Variants in JPH4 observed in about 807,000 individuals in gnomAD.
The protein encoded by JPH4 is junctophilin 4, also known as junctophilin-4.
Under a neutral mutation model 57.6 loss-of-function variants are expected in JPH4, and 18 were observed. The ratio of observed to expected loss-of-function variants is 0.31; its 90% CI spans 0.22 to 0.46. The LOEUF (loss-of-function observed/expected upper bound fraction) is 0.46. Ranked by LOEUF, JPH4 falls within the 20% of genes least tolerant of loss-of-function variation. The pLI, the probability that JPH4 is intolerant of heterozygous loss-of-function variation, is 1.00. For missense variants in JPH4, 727 were observed against 911.1 expected, an observed-to-expected ratio of 0.80 and a Z score of 2.60; for synonymous variants, 425 against 406.6, an observed-to-expected ratio of 1.05 and a Z score of -0.54.
In JPH4 at chr14:23,575,627, G is replaced by A; in HGVS notation, c.1151+58C>T. 4.5e-6 allele frequency: 7 copies of A among 1,549,434 alleles called. No individual in the cohort carries two copies. The highest frequency in any genetic ancestry group is 6.1e-6 in the Non-Finnish European group (7 of 1,150,834). On this transcript the variant is annotated intron_variant, in intron 3 of 5. Transcript: ENST00000356300. The surrounding 1 kb of genome is among the most constrained non-coding windows in gnomAD (Gnocchi z 6.9). Reference sequence around the variant, plus strand: ...CTCCCTTAGGCACACCCGCCTTCCTGGTCCCCAGCGCACCCCCTCCTCTTA... The same window carrying A: ...CTCCCTTAGGCACACCCGCCTTCCTAGTCCCCAGCGCACCCCCTCCTCTTA...
At chr14:23,572,280 C>T (rs1889171939) in intron 3 of JPH4, among the ~76,000 whole-genome samples, 1 of 152,016 alleles carries the variant, frequency 6.6e-6, no homozygotes, top group African/African-American at 2.4e-5. Context: ...CAGTCGAGAC[C>T]TCACTCTTTT....
Position 23,568,063 on chromosome 14 carries a change from T to C in JPH4, c.*1571A>G. On this transcript the variant is annotated 3_prime_UTR_variant, in exon 6 of 6. Coordinates refer to ENST00000356300, the MANE Select transcript of JPH4 (RefSeq NM_001146028.2). ...TTTTTTGAACTTTTTTATTAATATA[T>C]TTTTTTTGTTAAATTTCTTTGTATT... The C allele has an allele frequency of 1.0e-6, 1 of 981,998 alleles. No homozygotes were observed. The highest frequency in any genetic ancestry group is 1.2e-6 in the Non-Finnish European group (1 of 826,566). 60.8% of individuals were successfully genotyped at this position (981,998 alleles called of 1,614,324 possible). A position where few individuals can be genotyped will look rare whatever the true frequency, so the allele number is the denominator to read the frequency against.
At position 23,575,332 on chromosome 14, in the gene JPH4, A is replaced by T. The variant is rs935620845; in HGVS notation, c.1151+353T>A. 1 of 358,326 alleles carries T rather than the reference A, an allele frequency of 2.8e-6. No individual in the cohort carries two copies. The highest frequency in any genetic ancestry group is 2.1e-5 in the African/African-American group (1 of 48,270). 22.2% of individuals were successfully genotyped at this position (358,326 alleles called of 1,614,324 possible). On this transcript the variant is annotated intron_variant, in intron 3 of 5. Coordinates refer to ENST00000356300, the MANE Select transcript of JPH4 (RefSeq NM_001146028.2). This position sits in a 1 kb window ranked among gnomAD's most constrained non-coding sequence, Gnocchi z 6.9. ...CTGCAAGAGGAGGAAGACTAGGGAC[A>T]TGTTTTGAGTTCCAAGAGATTTCTG...
chr14:23,571,168 T>G lies in JPH4; in HGVS notation c.1563A>C (p.Gln521His). The G allele has an allele frequency of 6.2e-7, 1 of 1,614,096 alleles. No individual in the cohort carries two copies. The highest frequency in any genetic ancestry group is 2.2e-5 in the East Asian group (1 of 44,878). The change falls in exon 5 of 6, where the codon CAA (glutamine) becomes CAC (histidine). Residue 521 changes from glutamine to histidine, a missense_variant. Around this residue, in one of 7 missense-constraint regions of JPH4, gnomAD observed 293 missense variants for 279.8 expected, o/e 1.05. Coordinates refer to ENST00000356300, the MANE Select transcript of JPH4 (RefSeq NM_001146028.2). The surrounding 1 kb of genome is among the most constrained non-coding windows in gnomAD (Gnocchi z 4.6). ...GYEAEDEAGM[Q>H]GPGPRDGSPL... ...GGGAACCGTCTCTGGGCCCTGGCCC[T>G]TGCATCCCAGCCTCATCCTCAGCCT...
chr14:23,578,211 GCA>G lies in JPH4; in HGVS notation c.-205_-204del. ...GGCTGGGGCTCAGGCTGCCTCCCCG[GCA>G]CAGCATCCATGGCAGGATACCTCCA... On this transcript the variant is annotated 5_prime_UTR_variant, in exon 1 of 6. The change creates a premature stop within an existing upstream ORF in the 5' untranslated region. Transcript: ENST00000356300. 6.6e-6 allele frequency: 1 copy of G among 152,392 alleles called. No individual in the cohort carries two copies. The highest frequency in any genetic ancestry group is 1.5e-5 in the Non-Finnish European group (1 of 68,320). The allele number at this position is 152,392 out of a possible 1,614,324, so 9.4% of individuals were successfully genotyped here. A position where few individuals can be genotyped will look rare whatever the true frequency, so the allele number is the denominator to read the frequency against.
At chr14:23,572,149 C>A (rs1411648390) in intron 3 of JPH4, among the ~76,000 whole-genome samples, 1 of 152,102 alleles carries the variant, frequency 6.6e-6, no homozygotes, top group African/African-American at 2.4e-5. Context: ...ACCATCACAC[C>A]CTCCTGCTCC....
Position 23,577,208 on chromosome 14 carries a change from C to A in JPH4, c.246G>T (p.Thr82=). 7 of 1,537,096 alleles carry A rather than the reference C, an allele frequency of 4.6e-6. No individual in the cohort carries two copies. Among genetic ancestry groups the A allele is most frequent in the Non-Finnish European group, 6.1e-6 (7 of 1,146,172 alleles). Residue 82 remains threonine, a synonymous_variant, in exon 2 of 6, where the codon ACG becomes ACT. Coordinates refer to ENST00000356300, the MANE Select transcript of JPH4 (RefSeq NM_001146028.2). This position sits in a 1 kb window ranked among gnomAD's most constrained non-coding sequence, Gnocchi z 8.4. ...GLGVERKSRW[T]YRGEWLGGLK... is the part of the protein sequence containing the mutation. Reference sequence around the variant, plus strand: ...GCCCGCCCAGCCACTCGCCGCGGTACGTCCAGCGGCTCTTGCGCTCCACGC... The same window carrying A: ...GCCCGCCCAGCCACTCGCCGCGGTAAGTCCAGCGGCTCTTGCGCTCCACGC...
Position 23,576,710 on chromosome 14 carries a change from G to A in JPH4, c.380-254C>T, listed in dbSNP as rs1359059369. Among the ~76,000 whole-genome samples, 2 of 152,136 alleles carry A rather than the reference G, an allele frequency of 1.3e-5. No individual in the cohort carries two copies. ...GGCAGTGCGGGTAAACAGGGGAAAC[G>A]GGGAGGGCCCGGCAGGCATGCGAAG... On this transcript the variant is annotated intron_variant, in intron 2 of 5. Coordinates refer to ENST00000356300, the MANE Select transcript of JPH4 (RefSeq NM_001146028.2). This position sits in a 1 kb window ranked among gnomAD's most constrained non-coding sequence, Gnocchi z 8.0.
At position 23,577,202 on chromosome 14, in the gene JPH4, G is replaced by T; in HGVS notation, c.252C>A (p.Arg84=). The T allele has an allele frequency of 6.5e-7, 1 of 1,537,132 alleles. No homozygotes were observed. Among genetic ancestry groups the T allele is most frequent in the East Asian group, 2.4e-5 (1 of 40,822 alleles). ...GVERKSRWTY[R]GEWLGGLKGR... ...CCTTCAGCCCGCCCAGCCACTCGCC[G>T]CGGTACGTCCAGCGGCTCTTGCGCT... The change falls in exon 2 of 6, where the codon CGC becomes CGA. Residue 84 remains arginine, a synonymous_variant. Transcript: ENST00000356300. This position sits in a 1 kb window ranked among gnomAD's most constrained non-coding sequence, Gnocchi z 8.4.
rs1889020213 is a variant in JPH4, at chr14:23,569,492, AAAC to A, written c.*139_*141del. On this transcript the variant is annotated 3_prime_UTR_variant, in exon 6 of 6. Transcript: ENST00000356300. This position sits in a 1 kb window ranked among gnomAD's most constrained non-coding sequence, Gnocchi z 4.8. ...CAGGGAAAGAAAAAGCGAGAGAAAA[AAAC>A]AAAGGAGCACAGAAAAGAAAGGAAG... is the stretch of plus-strand genomic sequence containing the variant. 2 of 682,682 alleles carry A rather than the reference AAAC, an allele frequency of 2.9e-6. No individual in the cohort carries two copies. Among genetic ancestry groups the A allele is most frequent in the Admixed American group, 2.6e-5 (1 of 38,620 alleles). The allele number at this position is 682,682 out of a possible 1,614,324, so 42.3% of individuals were successfully genotyped here.
chr14:23,575,870 G>A lies in JPH4; in HGVS notation c.966C>T (p.Arg322=), dbSNP rs768842366. ...NRRHGYGRTT[R]PDGSREEGKY... ...TGCCCTCCTCGCGGGAGCCGTCGGGGCGGGTGGTGCGCCCGTAGCCGTGCC... is the reference window on the plus strand; with the variant it reads ...TGCCCTCCTCGCGGGAGCCGTCGGGACGGGTGGTGCGCCCGTAGCCGTGCC... Residue 322 remains arginine, a synonymous_variant, in exon 3 of 6, where the codon CGC becomes CGT. Transcript: ENST00000356300. The surrounding 1 kb of genome is among the most constrained non-coding windows in gnomAD (Gnocchi z 6.9). The A allele has an allele frequency of 1.9e-6, 3 of 1,576,456 alleles. No individual in the cohort carries two copies. The highest frequency in any genetic ancestry group is 2.6e-6 in the Non-Finnish European group (3 of 1,165,016).
chr14:23,575,880 C>A lies in JPH4; in HGVS notation c.956G>T (p.Arg319Leu), dbSNP rs577418879. The change falls in exon 3 of 6, where the codon CGC becomes CTC. Residue 319 changes from arginine (R) to leucine (L), a missense_variant. Transcript: ENST00000356300. The surrounding 1 kb of genome is among the most constrained non-coding windows in gnomAD (Gnocchi z 6.9). ...GCGGGAGCCGTCGGGGCGGGTGGTG[C>A]GCCCGTAGCCGTGCCGCCGGTTGCC... ...WLGNRRHGYGRTTRPDGSREE... is the reference protein window; with the variant it reads ...WLGNRRHGYGLTTRPDGSREE... 1.3e-6 allele frequency: 2 copies of A among 1,569,722 alleles called. No individual in the cohort carries two copies. Among genetic ancestry groups the A allele is most frequent in the African/African-American group, 1.3e-5 (1 of 74,206 alleles).
chr14:23,572,817 C>T, intron 3 of JPH4: 1 of 699,412 alleles, frequency 1.4e-6, no homozygotes, highest in Non-Finnish European at 2.6e-6. Flanking sequence ...GTCTCCCTTC[C>T]ACAACCCCCT....
At position 23,578,550 on chromosome 14, in the gene JPH4, A is replaced by G. The variant is rs1055883307; in HGVS notation, c.-542T>C. The G allele has an allele frequency of 1.3e-5, 2 of 151,486 alleles. No individual in the cohort carries two copies. Among genetic ancestry groups the G allele is most frequent in the African/African-American group, 4.9e-5 (2 of 41,174 alleles). 9.4% of individuals were successfully genotyped at this position (151,486 alleles called of 1,614,324 possible). A position where few individuals can be genotyped will look rare whatever the true frequency, so the allele number is the denominator to read the frequency against. ...AGAGGAAAAATAAATCAAAATTCCG[A>G]TTCCATCCCAGCACAAATCAATGTT... On this transcript the variant is annotated 5_prime_UTR_variant, in exon 1 of 6. Coordinates refer to ENST00000356300, the MANE Select transcript of JPH4 (RefSeq NM_001146028.2).
intron 3 of JPH4, among the ~76,000 whole-genome samples, chr14:23,572,222 C>T (rs1205998987): frequency 6.6e-6 from 1 of 152,152 alleles, no homozygotes; most frequent in Non-Finnish European, 1.5e-5. Flanking sequence ...GGGCCAGGCC[C>T]TCCTGGAACT....
Position 23,577,628 on chromosome 14 carries a change from C to T in JPH4, c.-171-4G>A, listed in dbSNP as rs1889307969. ...GCCGGACCCTCATCCTGAGTGGCTG[C>T]GGAGAAAGAGGGAGGGGGGCAAGTG... On this transcript the variant is annotated splice_region_variant and splice_polypyrimidine_tract_variant and intron_variant, in intron 1 of 5. Transcript: ENST00000356300. The surrounding 1 kb of genome is among the most constrained non-coding windows in gnomAD (Gnocchi z 8.4). 1.8e-5 allele frequency: 8 copies of T among 451,260 alleles called. No individual in the cohort carries two copies. The highest frequency in any genetic ancestry group is 2.7e-5 in the Non-Finnish European group (7 of 263,970). 28.0% of individuals were successfully genotyped at this position (451,260 alleles called of 1,614,324 possible).
In JPH4 at chr14:23,575,702, C is replaced by T. The variant is rs769123689; in HGVS notation, c.1134G>A (p.Gln378=). ...ACGCCCACCTGGCAGCGGCGATCTC[C>T]TGGCGCTGACGGGCAGCACTCACGG... The part of the protein sequence containing the change: ...RRAVSAARQR[Q]EIAAARAADA... Residue 378 remains glutamine, a synonymous_variant, in exon 3 of 6, where the codon CAG becomes CAA. Coordinates refer to ENST00000356300, the MANE Select transcript of JPH4 (RefSeq NM_001146028.2). This position sits in a 1 kb window ranked among gnomAD's most constrained non-coding sequence, Gnocchi z 6.9. 6.9e-6 allele frequency: 11 copies of T among 1,605,284 alleles called. No individual in the cohort carries two copies. The highest frequency in any genetic ancestry group is 7.6e-6 in the Non-Finnish European group (9 of 1,177,032).
chr14:23,571,809 C>T lies in JPH4; in HGVS notation c.1263G>A (p.Glu421=). 1 of 1,612,466 alleles carries T rather than the reference C, an allele frequency of 6.2e-7. No individual in the cohort carries two copies. Among genetic ancestry groups the T allele is most frequent in the African/African-American group, 1.3e-5 (1 of 75,038 alleles). The change falls in exon 4 of 6, where the codon GAG becomes GAA. Residue 421 remains glutamate, a synonymous_variant. Coordinates refer to ENST00000356300, the MANE Select transcript of JPH4 (RefSeq NM_001146028.2). This position sits in a 1 kb window ranked among gnomAD's most constrained non-coding sequence, Gnocchi z 4.6. ...CAGCTGTCCATGCCTCACCTGGGGCCTCTAGCATGGGCTGCAGGTCCTGGG... is the reference window on the plus strand; with the variant it reads ...CAGCTGTCCATGCCTCACCTGGGGCTTCTAGCATGGGCTGCAGGTCCTGGG... ...LIAQDLQPML[E]APGRRPRQDS...
At position 23,575,642 on chromosome 14, in the gene JPH4, C is replaced by T; in HGVS notation, c.1151+43G>A. On this transcript the variant is annotated intron_variant, in intron 3 of 5. Coordinates refer to ENST00000356300, the MANE Select transcript of JPH4 (RefSeq NM_001146028.2). The surrounding 1 kb of genome is among the most constrained non-coding windows in gnomAD (Gnocchi z 6.9). ...CCGCCTTCCTGGTCCCCAGCGCACC[C>T]CCTCCTCTTAGCCCAGCTTTGGCCT... is the stretch of plus-strand genomic sequence containing the variant. The T allele has an allele frequency of 6.4e-7, 1 of 1,564,012 alleles. No homozygotes were observed. Among genetic ancestry groups the T allele is most frequent in the Non-Finnish European group, 8.6e-7 (1 of 1,158,142 alleles).
Sources: allele counts gnomAD v4.1 joint callset (sites outside exome capture counted in the v4.1 genomes callset), GRCh38; gene constraint gnomAD v4.1.1; regional missense constraint gnomAD v4.1.1; non-coding constraint Gnocchi (gnomAD v3.1); transcripts MANE v1.5; gene names NCBI Gene and HGNC (gene_info 2026-07-23, HGNC 2026-07-21).